The following CNTNAP2 variants were observed in gnomAD, a reference collection of about 807,000 sequenced individuals.
CNTNAP2 encodes the protein contactin-associated protein-like 2.
CNTNAP2 carries 98 observed loss-of-function variants against 155.2 expected under a neutral mutation model. That is an observed-to-expected ratio of 0.63 (90% CI 0.54 to 0.75). CNTNAP2 has a LOEUF of 0.75. Among genes scored for constraint, CNTNAP2 ranks in the 30% least tolerant of loss-of-function variants. The probability of loss-of-function intolerance (pLI) is 0.00; values close to 1 mark genes in which losing one functional copy is unlikely to be tolerated. For missense variants in CNTNAP2, 1,727 were observed against 1,688.1 expected, an observed-to-expected ratio of 1.02 and a Z score of -0.40; for synonymous variants, 651 against 631.2, an observed-to-expected ratio of 1.03 and a Z score of -0.47.
intron 20 of CNTNAP2, among the ~76,000 whole-genome samples, chr7:148,255,512 A>G (rs1446136292): frequency 1.3e-5 from 2 of 152,198 alleles, no homozygotes; most frequent in Non-Finnish European, 2.9e-5. Context: ...AGTCTAGATA[A>G]AGTAAATCAC....
At chr7:147,983,807 T>C (rs1006555979) in intron 15 of CNTNAP2, among the ~76,000 whole-genome samples, 4 of 152,210 alleles carry the variant, frequency 2.6e-5, no homozygotes, top group African/African-American at 9.6e-5. Context: ...AAGGTACTTA[T>C]TATGTAGATG....
chr7:147,306,391 G>A (rs1795027298), intron 9 of CNTNAP2, among the ~76,000 whole-genome samples: 1 of 152,060 alleles, frequency 6.6e-6, no homozygotes, highest in South Asian at 2.1e-4. Context: ...AAAATGTGCT[G>A]GTCATAAGAA....
chr7:147,559,578 G>A lies in CNTNAP2; in HGVS notation c.1778-2560G>A, dbSNP rs117016966. ...ACCAAATGAAAGACAATGATAAGGAGTTTTGGCAGAAGAAAAAGACAATGA... is the reference window on the plus strand; with the variant it reads ...ACCAAATGAAAGACAATGATAAGGAATTTTGGCAGAAGAAAAAGACAATGA... On this transcript the variant is annotated intron_variant, in intron 11 of 23. Coordinates refer to ENST00000361727, the MANE Select transcript of CNTNAP2 (RefSeq NM_014141.6). 3.4e-3 allele frequency among the ~76,000 whole-genome samples: 523 copies of A among 152,242 alleles called. 2 individuals carry two copies. The highest frequency in any genetic ancestry group is 0.012 in the South Asian group (60 of 4,818).
chr7:147,108,067 T>C, intron 4 of CNTNAP2, 80 bp from the exon 5 acceptor site: 1 of 1,258,908 alleles, frequency 7.9e-7, no homozygotes. Flanking sequence ...TAATTCTCAT[T>C]TATTCTTTGC....
intron 20 of CNTNAP2, among the ~76,000 whole-genome samples, chr7:148,239,010 T>C (rs1010445095): frequency 2.0e-5 from 3 of 151,642 alleles, no homozygotes; most frequent in African/African-American, 7.3e-5. Flanking sequence ...TCAGAACAAA[T>C]AAAGAAAGTT....
At chr7:148,167,385 C>T (rs918790839) in intron 17 of CNTNAP2, among the ~76,000 whole-genome samples, 4 of 151,998 alleles carry the variant, frequency 2.6e-5, no homozygotes, top group Non-Finnish European at 4.4e-5. Context: ...ATGATCTGCC[C>T]GCCTTGGCCT....
At chr7:147,250,953 T>C (rs2116658580) in intron 8 of CNTNAP2, among the ~76,000 whole-genome samples, 1 of 152,272 alleles carries the variant, frequency 6.6e-6, no homozygotes, top group Non-Finnish European at 1.5e-5. Context: ...GTTGCTTTGT[T>C]CCTGTTTGTT....
intron 14 of CNTNAP2, among the ~76,000 whole-genome samples, chr7:147,952,403 T>C (rs1800951257): frequency 6.6e-6 from 1 of 151,808 alleles, no homozygotes; most frequent in African/African-American, 2.4e-5. Context: ...GGCCACGCCA[T>C]TGCACTCCAG....
chr7:146,844,405 G>A (rs570864553), intron 3 of CNTNAP2, among the ~76,000 whole-genome samples: 7 of 151,980 alleles, frequency 4.6e-5, no homozygotes, highest in Non-Finnish European at 8.8e-5. Context: ...CAATGTAATA[G>A]GTAAATAAAA....
chr7:146,355,370 G>T (rs1794983258), intron 1 of CNTNAP2, among the ~76,000 whole-genome samples: 1 of 152,170 alleles, frequency 6.6e-6, no homozygotes, highest in African/African-American at 2.4e-5. Flanking sequence ...TTAACAGCAT[G>T]GGGTTCCAAT....
Position 146,821,111 on chromosome 7 carries a change from T to C in CNTNAP2, c.209-18600T>C, listed in dbSNP as rs554600185. Among the ~76,000 whole-genome samples, 85 of 152,318 alleles carry C rather than the reference T, an allele frequency of 5.6e-4. 1 individual carries two copies. The East Asian group carries it at 0.016, about 28-fold the overall frequency. ...ACAGCACACTGATGGGTCTTGACTC[T>C]TTATCCAATTTGCCAGTCTGTGTCT... On this transcript the variant is annotated intron_variant, in intron 2 of 23. Coordinates refer to ENST00000361727, the MANE Select transcript of CNTNAP2 (RefSeq NM_014141.6).
intron 10 of CNTNAP2, among the ~76,000 whole-genome samples, chr7:147,441,251 G>T (rs1349095341): frequency 1.3e-5 from 2 of 151,866 alleles, no homozygotes; most frequent in African/African-American, 4.8e-5. Flanking sequence ...GGACTCTGAT[G>T]CATTCTTCAG....
At chr7:147,480,198 G>T (rs1483912910) in intron 10 of CNTNAP2, among the ~76,000 whole-genome samples, 2 of 152,138 alleles carry the variant, frequency 1.3e-5, no homozygotes, top group East Asian at 3.8e-4. Flanking sequence ...AAAATTTCAT[G>T]CTGAGATGAA....
intron 2 of CNTNAP2, among the ~76,000 whole-genome samples, chr7:146,831,044 C>A (rs1803500627): frequency 6.6e-6 from 1 of 152,144 alleles, no homozygotes; most frequent in Non-Finnish European, 1.5e-5. Context: ...ATTGAAGATA[C>A]ATCTATGGAA....
chr7:146,352,933 T>G (rs1794943114), intron 1 of CNTNAP2, among the ~76,000 whole-genome samples: 1 of 151,554 alleles, frequency 6.6e-6, no homozygotes, highest in South Asian at 2.1e-4. Flanking sequence ...TTTTTGTATT[T>G]TTAGTAGAGA....
intron 1 of CNTNAP2, among the ~76,000 whole-genome samples, chr7:146,210,449 A>C (rs1341474579): frequency 1.3e-5 from 2 of 152,142 alleles, no homozygotes; most frequent in Non-Finnish European, 2.9e-5. Flanking sequence ...GACTACAGGC[A>C]TGCACCACCA....
chr7:146,551,408 G>A (rs1017569199), intron 1 of CNTNAP2, among the ~76,000 whole-genome samples: 9 of 151,734 alleles, frequency 5.9e-5, no homozygotes, highest in Admixed American at 2.0e-4. Context: ...TTGTCCTTGC[G>A]ATAGTTTGCT....
intron 1 of CNTNAP2, among the ~76,000 whole-genome samples, chr7:146,160,837 C>T (rs970616477): frequency 3.3e-5 from 5 of 152,178 alleles, no homozygotes; most frequent in African/African-American, 1.2e-4. Context: ...AGGGAATCCT[C>T]CCTAATTCAT....
At chr7:147,975,026 A>G (rs4726899) in intron 14 of CNTNAP2, among the ~76,000 whole-genome samples, 34 of 137,028 alleles carry the variant, frequency 2.5e-4, no homozygotes, top group Non-Finnish European at 3.9e-4. Flanking sequence ...TTTGTATTAC[A>G]TATAATACAA....
Sources: gnomAD v4.1 joint callset for allele counts (sites outside exome capture counted in the v4.1 genomes callset) on GRCh38, gnomAD v4.1.1 for gene constraint, MANE v1.5 for transcripts, NCBI Gene and HGNC (gene_info 2026-07-23, HGNC 2026-07-21) for gene names.